Variants in LRRTM3 observed in about 807,000 individuals in gnomAD.
LRRTM3 encodes leucine rich repeat transmembrane neuronal 3, also known as leucine-rich repeat transmembrane neuronal protein 3.
In LRRTM3, 24 loss-of-function variants were observed where a neutral mutation model predicts 44.7. The observed-to-expected ratio is 0.54, with a 90% confidence interval of 0.39 to 0.76. The LOEUF (loss-of-function observed/expected upper bound fraction) is 0.76. LRRTM3 is among the 30% of genes least tolerant of loss of function. LRRTM3 has a pLI of 0.00. For synonymous variants in LRRTM3, 277 were observed against 278.7 expected (o/e 0.99, Z 0.06); for missense variants, 587 against 702.2 (o/e 0.84, Z 1.85).
chr10:67,082,643 T>C (rs1161304348), intron 2 of LRRTM3, among the ~76,000 whole-genome samples: 1 of 152,130 alleles, frequency 6.6e-6, no homozygotes, highest in Non-Finnish European at 1.5e-5. Context: ...AAGGAAACCG[T>C]GCAGGAATTA....
intron 2 of LRRTM3, among the ~76,000 whole-genome samples, chr10:67,043,135 C>CTT (rs34946963): frequency 1.9e-5 from 2 of 103,752 alleles, no homozygotes; most frequent in African/African-American, 3.2e-5. Flanking sequence ...CACTTTCTTT[C>CTT]TTTTTTTTTT....
At chr10:67,089,572 C>T (rs1857505398) in intron 2 of LRRTM3, among the ~76,000 whole-genome samples, 1 of 151,890 alleles carries the variant, frequency 6.6e-6, no homozygotes, top group East Asian at 1.9e-4. Context: ...AATCACTTCT[C>T]AGCAATATGG....
intron 2 of LRRTM3, among the ~76,000 whole-genome samples, chr10:66,973,723 A>C (rs11814454): frequency 0.23 from 35,239 of 152,020 alleles, 4,630 homozygotes; most frequent in Non-Finnish European, 0.31. Context: ...TCCCAGGTTC[A>C]AGTGATTCTC....
chr10:67,097,708 C>G lies in LRRTM3; in HGVS notation c.1658C>G (p.Thr553Arg), dbSNP rs761729350. 3 of 1,612,632 alleles carry G rather than the reference C, an allele frequency of 1.9e-6. No individual in the cohort carries two copies. The highest frequency in any genetic ancestry group is 2.5e-6 in the Non-Finnish European group (3 of 1,179,024). The change falls in exon 3 of 3, where the codon ACG becomes AGG. Residue 553 changes from threonine (T) to arginine (R), a missense_variant. Coordinates refer to ENST00000361320, the MANE Select transcript of LRRTM3 (RefSeq NM_178011.5). ...TTTGAAACGAATGCACAGGAAGATA[C>G]GATGGAAACACACCTAGAGACTGAG... is the stretch of plus-strand genomic sequence containing the variant. ...KSFETNAQED[T>R]METHLETELD...
intron 2 of LRRTM3, among the ~76,000 whole-genome samples, chr10:66,982,644 G>T (rs1850506253): frequency 6.6e-6 from 1 of 152,146 alleles, no homozygotes; most frequent in Admixed American, 6.5e-5. Flanking sequence ...TGTTAACCTT[G>T]TGAGGTTATA....
intron 2 of LRRTM3, among the ~76,000 whole-genome samples, chr10:66,992,123 A>G (rs919288814): frequency 3.3e-5 from 5 of 152,172 alleles, no homozygotes; most frequent in African/African-American, 9.7e-5. Context: ...ACTAATATCA[A>G]TTTACATTCC....
At chr10:66,943,619 G>A (rs1450093212) in intron 2 of LRRTM3, among the ~76,000 whole-genome samples, 1 of 151,494 alleles carries the variant, frequency 6.6e-6, no homozygotes, top group Non-Finnish European at 1.5e-5. Context: ...ATATAAAGAT[G>A]TTATGTGGTA....
rs569859609 is a variant in LRRTM3 at position 67,070,670 on chromosome 10, C to T, written c.1537-26917C>T. Among the ~76,000 whole-genome samples, 11 of 152,012 alleles carry T rather than the reference C, an allele frequency of 7.2e-5. No homozygotes were observed. In the South Asian group the frequency reaches 1.5e-3, roughly 20 times the overall value. On this transcript the variant is annotated intron_variant, in intron 2 of 2. Coordinates refer to ENST00000361320, the MANE Select transcript of LRRTM3 (RefSeq NM_178011.5). ...GCTGAGGCAGGGGAATCGCTTGAAC[C>T]CGGGAGGCGGAGGTTGCAGGGAGCT...
At chr10:67,094,459 A>G (rs1358824971) in intron 2 of LRRTM3, among the ~76,000 whole-genome samples, 1 of 151,870 alleles carries the variant, frequency 6.6e-6, no homozygotes, top group Non-Finnish European at 1.5e-5. Flanking sequence ...TATTATTTAT[A>G]GTAATTGGGG....
intron 2 of LRRTM3, among the ~76,000 whole-genome samples, chr10:67,002,644 A>G (rs1851752736): frequency 6.6e-6 from 1 of 152,110 alleles, no homozygotes; most frequent in Admixed American, 6.6e-5. Flanking sequence ...CTAGCTGGGT[A>G]CTGGGCCATG....
At chr10:66,963,492 CA>C (rs1227538366) in intron 2 of LRRTM3, among the ~76,000 whole-genome samples, 1 of 152,140 alleles carries the variant, frequency 6.6e-6, no homozygotes, top group East Asian at 1.9e-4. Context: ...TAGATGTGAG[CA>C]AATAATAGTG....
At chr10:66,952,594 C>T (rs1184680605) in intron 2 of LRRTM3, among the ~76,000 whole-genome samples, 1 of 151,930 alleles carries the variant, frequency 6.6e-6, no homozygotes, top group Non-Finnish European at 1.5e-5. Context: ...TGATGTACTA[C>T]TTAAGCAATA....
In LRRTM3 at chr10:66,951,088, TACACACAC is replaced by T. The variant is rs3056558; in HGVS notation, c.1536+22659_1536+22666del. On this transcript the variant is annotated intron_variant, in intron 2 of 2. Coordinates refer to ENST00000361320, the MANE Select transcript of LRRTM3 (RefSeq NM_178011.5). ...TGCCAGCTTTTTCTTTAACATTAAA[TACACACAC>T]ACACACACACACACACACACACTGT... 8.3e-3 allele frequency among the ~76,000 whole-genome samples: 1,210 copies of T among 146,090 alleles called. 17 individuals are homozygous for T. The highest frequency in any genetic ancestry group is 0.028 in the African/African-American group (1,133 of 39,842).
chr10:67,044,170 CACTTATAAGTG>C, intron 2 of LRRTM3, among the ~76,000 whole-genome samples: 1 of 152,070 alleles, frequency 6.6e-6, no homozygotes, highest in South Asian at 2.1e-4. Context: ...GGCTAGCTCT[CACTTATAAGTG>C]AGAACATGTA....
chr10:66,953,760 A>T (rs1318590078), intron 2 of LRRTM3, among the ~76,000 whole-genome samples: 2 of 152,134 alleles, frequency 1.3e-5, no homozygotes, highest in Non-Finnish European at 1.5e-5. Context: ...TCCTCCTAAG[A>T]TAATATTAGA....
At chr10:66,942,652 C>G (rs1166179675) in intron 2 of LRRTM3, among the ~76,000 whole-genome samples, 1 of 151,570 alleles carries the variant, frequency 6.6e-6, no homozygotes, top group Non-Finnish European at 1.5e-5. Flanking sequence ...TCTCCTTCCT[C>G]ACTTTCTCAC....
At chr10:67,083,600 A>G (rs1319822127) in intron 2 of LRRTM3, among the ~76,000 whole-genome samples, 1 of 152,200 alleles carries the variant, frequency 6.6e-6, no homozygotes, top group African/African-American at 2.4e-5. Context: ...GCTAAGAATT[A>G]TTCAGATACT....
At chr10:66,940,154 G>C (rs1297186850) in intron 2 of LRRTM3, among the ~76,000 whole-genome samples, 1 of 152,128 alleles carries the variant, frequency 6.6e-6, no homozygotes, top group Non-Finnish European at 1.5e-5. Context: ...AGTTTGAAAA[G>C]ATGGAAAACG....
chr10:67,092,548 G>A (rs764549011), intron 2 of LRRTM3, among the ~76,000 whole-genome samples: 7 of 151,760 alleles, frequency 4.6e-5, no homozygotes, highest in Non-Finnish European at 8.8e-5. Flanking sequence ...TATATACAAA[G>A]ATATTTGTAC....
Sources: allele counts gnomAD v4.1 joint callset (sites outside exome capture counted in the v4.1 genomes callset), GRCh38; gene constraint gnomAD v4.1.1; transcripts MANE v1.5; gene names NCBI Gene and HGNC (gene_info 2026-07-23, HGNC 2026-07-21).